MPZL2: variants seen among roughly 807,000 people sequenced by gnomAD.
The protein encoded by MPZL2 is myelin protein zero like 2, also known as myelin protein zero-like protein 2.
In MPZL2, 32 loss-of-function variants were observed where a neutral mutation model predicts 24.5. The observed-to-expected ratio is 1.31, with a 90% CI of 0.99 to 1.76. The LOEUF is 1.76. Among genes scored for constraint, MPZL2 ranks in the 40% most tolerant of loss-of-function variants. The probability of loss-of-function intolerance (pLI) is 0.00; values close to 1 mark genes in which losing one functional copy is unlikely to be tolerated. For synonymous variants in MPZL2, 92 were observed against 97.9 expected (o/e 0.94, Z 0.36); for missense variants, 304 against 274.9 (o/e 1.11, Z -0.75).
chr11:118,257,146 G>A (rs1191018736), intron 5 of MPZL2, 92 bp downstream of exon 5: 2 of 891,282 alleles, frequency 2.2e-6, no homozygotes, highest in Non-Finnish European at 3.5e-6. Context: ...ACACCTAACA[G>A]CCATAAAGTG....
In MPZL2 at chr11:118,262,662, A is replaced by G. The variant is rs1238955376; in HGVS notation, c.226-14T>C. On this transcript the variant is annotated splice_polypyrimidine_tract_variant and intron_variant, in intron 2 of 5. Transcript: ENST00000278937. ...GTAGTAGAATACCTAGAGAGGGGAA[A>G]TGGCAAAAGGTCTTCTTACTCAGCA... 2.5e-6 allele frequency: 4 copies of G among 1,611,534 alleles called. No individual in the cohort carries two copies. The highest frequency in any genetic ancestry group is 3.4e-6 in the Non-Finnish European group (4 of 1,178,694).
In MPZL2 at chr11:118,262,452, C is replaced by G; in HGVS notation, c.422G>C (p.Ser141Thr). The G allele has an allele frequency of 6.2e-7, 1 of 1,613,972 alleles. No individual in the cohort carries two copies. Among genetic ancestry groups the G allele is most frequent in the African/African-American group, 1.3e-5 (1 of 75,048 alleles). The change falls in exon 3 of 6, where the codon AGC becomes ACC. Residue 141 changes from serine to threonine, a missense_variant. Transcript: ENST00000278937. ...GCATAACCTACCAGTGTGCACGACGCTGAGCCGGATCTCCCCTATCACCCC... is the reference window on the plus strand; with the variant it reads ...GCATAACCTACCAGTGTGCACGACGGTGAGCCGGATCTCCCCTATCACCCC... The part of the protein sequence containing the change: ...VDGVIGEIRL[S>T]VVHTVRFSEI...
chr11:118,260,108 T>C lies in MPZL2; in HGVS notation c.530A>G (p.His177Arg). 1 of 1,614,120 alleles carries C rather than the reference T, an allele frequency of 6.2e-7. No homozygotes were observed. The highest frequency in any genetic ancestry group is 8.5e-7 in the Non-Finnish European group (1 of 1,179,990). Reference sequence around the variant, plus strand: ...TTCGGCCCATCGCTTTTTCCGGTAATGCTGGAAGAGGACCACTACAATTAC... The same window carrying C: ...TTCGGCCCATCGCTTTTTCCGGTAACGCTGGAAGAGGACCACTACAATTAC... The part of the protein sequence containing the change: ...IIVIVVVLFQ[H>R]YRKKRWAERA... The change falls in exon 4 of 6, where the codon CAT becomes CGT. Residue 177 changes from histidine to arginine, a missense_variant. Physicochemically the swap from His to Arg is conservative, Grantham distance 29. Transcript: ENST00000278937.
At chr11:118,257,130 T>C in intron 5 of MPZL2, 108 bp downstream of exon 5, 1 of 723,640 alleles carries the variant, frequency 1.4e-6, no homozygotes. Flanking sequence ...TAATTTCATA[T>C]GGGAAACACC....
rs147273414 is a variant in MPZL2 at position 118,255,048 on chromosome 11, T to C, written c.*198A>G. ...CTGAAATTAAATAAGACCTTAATAA[T>C]GAGGCTGTGTATGACTGGTGATATG... is the stretch of plus-strand genomic sequence containing the variant. On this transcript the variant is annotated 3_prime_UTR_variant, in exon 6 of 6. Coordinates refer to ENST00000278937, the MANE Select transcript of MPZL2 (RefSeq NM_005797.4). 1 of 152,272 alleles carries C rather than the reference T, an allele frequency of 6.6e-6. No homozygotes were observed. Among genetic ancestry groups the C allele is most frequent in the Non-Finnish European group, 1.5e-5 (1 of 68,028 alleles). The allele number at this position is 152,272 out of a possible 1,614,324, so 9.4% of individuals were successfully genotyped here.
At position 118,260,427 on chromosome 11, in the gene MPZL2, A is replaced by G. The variant is rs11824653; in HGVS notation, c.437-226T>C. 0.022 allele frequency among the ~76,000 whole-genome samples: 3,386 copies of G among 152,290 alleles called. 123 individuals carry two copies. The highest frequency in any genetic ancestry group is 0.077 in the African/African-American group (3,200 of 41,536). On this transcript the variant is annotated intron_variant, in intron 3 of 5. Transcript: ENST00000278937. ...TCTTCGAAGTAACAGCAACAATATC[A>G]CTTGAGAACATGGAAATCTTAGGCC...
chr11:118,262,391 T>C, intron 3 of MPZL2, 47 bp downstream of exon 3: 1 of 1,585,602 alleles, frequency 6.3e-7, no homozygotes, highest in Non-Finnish European at 8.7e-7. Flanking sequence ...CTTTCTTTTC[T>C]ACAAGCTCTC....
At chr11:118,260,332 T>C in intron 3 of MPZL2, 131 bp from the exon 4 acceptor site, 3 of 924,390 alleles carry the variant, frequency 3.2e-6, no homozygotes, top group South Asian at 3.6e-5. Flanking sequence ...CATAAAATAA[T>C]ATATTACCTT....
Position 118,254,310 on chromosome 11 carries a change from AT to A in MPZL2, c.*935del. On this transcript the variant is annotated 3_prime_UTR_variant, in exon 6 of 6. Coordinates refer to ENST00000278937, the MANE Select transcript of MPZL2 (RefSeq NM_005797.4). ...ACAAAATTATCATCATTTAGAGTTG[AT>A]TTTTTTCACCAGCCCTGAATTTTCA... 1 of 152,144 alleles carries A rather than the reference AT, an allele frequency of 6.6e-6. No homozygotes were observed. The highest frequency in any genetic ancestry group is 1.9e-4 in the East Asian group (1 of 5,200). The allele number at this position is 152,144 out of a possible 1,614,324, so 9.4% of individuals were successfully genotyped here. A position where few individuals can be genotyped will look rare whatever the true frequency, so the allele number is the denominator to read the frequency against.
In MPZL2 at chr11:118,262,578, C is replaced by T. The variant is rs1221529364; in HGVS notation, c.296G>A (p.Gly99Glu). 3.7e-6 allele frequency: 6 copies of T among 1,614,042 alleles called. No homozygotes were observed. Among genetic ancestry groups the T allele is most frequent in the Non-Finnish European group, 5.1e-6 (6 of 1,180,032 alleles). ...GGAGGCATCGTACCGCTCAGGATTCCCATCCCAAGACACCCGGTCCTTAAA... is the reference window on the plus strand; with the variant it reads ...GGAGGCATCGTACCGCTCAGGATTCTCATCCCAAGACACCCGGTCCTTAAA... ...GRFKDRVSWDGNPERYDASIL... is the reference protein window; with the variant it reads ...GRFKDRVSWDENPERYDASIL... The change falls in exon 3 of 6, where the codon GGG (glycine) becomes GAG (glutamate). Residue 99 changes from glycine to glutamate, a missense_variant. Transcript: ENST00000278937.
Position 118,258,389 on chromosome 11 carries a change from G to C in MPZL2, c.585-1076C>G, listed in dbSNP as rs80146220. On this transcript the variant is annotated intron_variant, in intron 4 of 5. Coordinates refer to ENST00000278937, the MANE Select transcript of MPZL2 (RefSeq NM_005797.4). Reference sequence around the variant, plus strand: ...AATTGCAAGTTGTATATCTGATAAGGAACTAGTATCCCTTAAATAACTCTT... The same window carrying C: ...AATTGCAAGTTGTATATCTGATAAGCAACTAGTATCCCTTAAATAACTCTT... 6.0e-3 allele frequency among the ~76,000 whole-genome samples: 917 copies of C among 152,232 alleles called. 11 individuals are homozygous for C. The highest frequency in any genetic ancestry group is 0.021 in the African/African-American group (863 of 41,538).
Position 118,254,093 on chromosome 11 carries a change from A to G in MPZL2, c.*1153T>C, listed in dbSNP as rs1949647672. 1.3e-5 allele frequency: 2 copies of G among 152,362 alleles called. No individual in the cohort carries two copies. Among genetic ancestry groups the G allele is most frequent in the African/African-American group, 2.4e-5 (1 of 41,444 alleles). The allele number at this position is 152,362 out of a possible 1,614,324, so 9.4% of individuals were successfully genotyped here. On this transcript the variant is annotated 3_prime_UTR_variant, in exon 6 of 6. Coordinates refer to ENST00000278937, the MANE Select transcript of MPZL2 (RefSeq NM_005797.4). ...TAACTTTTCTTTCAATAGCCCACTT[A>G]TAAAGTTTGCTTTATCTACCAGTAT...
intron 3 of MPZL2, 115 bp from the exon 4 acceptor site, chr11:118,260,316 T>G (rs1176850174): frequency 3.8e-6 from 4 of 1,064,822 alleles, no homozygotes. Flanking sequence ...TTATCCTACC[T>G]TTATGCATAA....
chr11:118,257,942 G>A (rs568412664), intron 4 of MPZL2, among the ~76,000 whole-genome samples: 7 of 152,136 alleles, frequency 4.6e-5, no homozygotes, highest in East Asian at 3.9e-4. Flanking sequence ...CCCAGGAGGC[G>A]GAGGTTGCAG....
chr11:118,257,374 A>T, intron 4 of MPZL2, 61 bp from the exon 5 acceptor site: 1 of 1,363,034 alleles, frequency 7.3e-7, no homozygotes, highest in Non-Finnish European at 1.0e-6. Flanking sequence ...GGTAAATCCC[A>T]CAGAAGCTTC....
At position 118,264,172 on chromosome 11, in the gene MPZL2, G is replaced by C. The variant is rs1565501478; in HGVS notation, c.-19C>G. On this transcript the variant is annotated 5_prime_UTR_variant, in exon 1 of 6. Transcript: ENST00000278937. ...CATACATGAGGGAAACCCAGCCTTG[G>C]CCCCAGAGACCGGACGGGGCAGACC... The C allele has an allele frequency of 2.5e-6, 4 of 1,613,854 alleles. No homozygotes were observed. The highest frequency in any genetic ancestry group is 3.4e-6 in the Non-Finnish European group (4 of 1,179,928).
chr11:118,257,425 T>G, intron 4 of MPZL2, 112 bp from the exon 5 acceptor site: 2 of 805,780 alleles, frequency 2.5e-6, no homozygotes, highest in South Asian at 3.2e-5. Flanking sequence ...AAGAATTACA[T>G]GCACTTGGGA....
rs1271171924 is a variant in MPZL2, at chr11:118,254,021, T to A, written c.*1225A>T. ...AAGATTGATCTTGAGCCTAAACTTT[T>A]AGATGCTTTCTATCCTTTGAACAAA... On this transcript the variant is annotated 3_prime_UTR_variant, in exon 6 of 6. Transcript: ENST00000278937. 6.6e-6 allele frequency: 1 copy of A among 152,602 alleles called. No individual in the cohort carries two copies. The highest frequency in any genetic ancestry group is 1.5e-5 in the Non-Finnish European group (1 of 68,014). 9.5% of individuals were successfully genotyped at this position (152,602 alleles called of 1,614,324 possible).
intron 3 of MPZL2, among the ~76,000 whole-genome samples, chr11:118,260,840 C>G (rs1248529820): frequency 6.6e-6 from 1 of 152,166 alleles, no homozygotes; most frequent in Non-Finnish European, 1.5e-5. Context: ...CTAAGCCACA[C>G]TAGAGTCTGT....
Sources: allele counts gnomAD v4.1 joint callset (sites outside exome capture counted in the v4.1 genomes callset), GRCh38; gene constraint gnomAD v4.1.1; transcripts MANE v1.5; gene names NCBI Gene and HGNC (gene_info 2026-07-23, HGNC 2026-07-21).